Variants in CIMIP6 observed in about 807,000 individuals in gnomAD.
The protein encoded by CIMIP6 is uncharacterized protein C2orf73.
the CIMIP6 span, among the ~76,000 whole-genome samples, chr2:54,341,083 A>C: frequency 6.6e-6 from 1 of 152,238 alleles, no homozygotes; most frequent in Non-Finnish European, 1.5e-5. Flanking sequence ...GTTTTTGATC[A>C]ACAAAAGTAG....
chr2:54,350,797 T>A, the CIMIP6 span, among the ~76,000 whole-genome samples: 1 of 152,176 alleles, frequency 6.6e-6, no homozygotes, highest in Non-Finnish European at 1.5e-5. Context: ...TGTCTTTAAG[T>A]TGCCCACACT....
the CIMIP6 span, among the ~76,000 whole-genome samples, chr2:54,374,665 G>C: frequency 6.6e-6 from 1 of 152,222 alleles, no homozygotes. Context: ...AAAAGGCTGG[G>C]ATAAGCCTGA....
chr2:54,367,822 G>C, the CIMIP6 span, among the ~76,000 whole-genome samples: 1 of 152,110 alleles, frequency 6.6e-6, no homozygotes, highest in Non-Finnish European at 1.5e-5. Flanking sequence ...TCAAGAGATA[G>C]AGAAAATATG....
At chr2:54,363,959 T>A in the CIMIP6 span, among the ~76,000 whole-genome samples, 1 of 152,136 alleles carries the variant, frequency 6.6e-6, no homozygotes, top group African/African-American at 2.4e-5. Context: ...GCCCAGTGAG[T>A]GGTTCCTACC....
chr2:54,337,327 TA>T, the CIMIP6 span, among the ~76,000 whole-genome samples: 1 of 152,228 alleles, frequency 6.6e-6, no homozygotes, highest in Non-Finnish European at 1.5e-5. Context: ...TTTCATGAGC[TA>T]AACCCCTTTA....
chr2:54,363,370 C>T, the CIMIP6 span, among the ~76,000 whole-genome samples: 2 of 152,272 alleles, frequency 1.3e-5, no homozygotes, highest in South Asian at 2.1e-4. Flanking sequence ...TCTCCAGCCC[C>T]AGTGTATGAT....
the CIMIP6 span, chr2:54,360,230 A>G: frequency 1.2e-6 from 2 of 1,602,700 alleles, no homozygotes; most frequent in South Asian, 2.3e-5. Context: ...ACAGAGAGAG[A>G]TAAAACCAGG....
At chr2:54,353,796 T>C in the CIMIP6 span, among the ~76,000 whole-genome samples, 15 of 152,140 alleles carry the variant, frequency 9.9e-5, no homozygotes, top group Admixed American at 9.8e-4. Flanking sequence ...GTTACAAATA[T>C]CTCCTTCCAA....
At chr2:54,353,899 T>C in the CIMIP6 span, among the ~76,000 whole-genome samples, 1 of 152,218 alleles carries the variant, frequency 6.6e-6, no homozygotes, top group African/African-American at 2.4e-5. Context: ...TTATGGGTTG[T>C]GTACTGGCTG....
the CIMIP6 span, among the ~76,000 whole-genome samples, chr2:54,339,455 A>C: frequency 1.3e-5 from 1 of 75,060 alleles, no homozygotes; most frequent in East Asian, 2.4e-4. Context: ...ACTCCTTTGT[A>C]TAACACCTAT....
chr2:54,360,363 G>A, the CIMIP6 span: 2 of 1,610,244 alleles, frequency 1.2e-6, no homozygotes, highest in African/African-American at 1.3e-5. Context: ...ATCTCACCAG[G>A]TCTCTGCCAA....
chr2:54,383,492 G>A, the CIMIP6 span: 35 of 152,304 alleles, frequency 2.3e-4, no homozygotes, highest in Admixed American at 1.5e-3. Flanking sequence ...GACAGAAGGA[G>A]CCAGGACCTC....
chr2:54,334,659 G>C, the CIMIP6 span, among the ~76,000 whole-genome samples: 1 of 152,168 alleles, frequency 6.6e-6, no homozygotes, highest in South Asian at 2.1e-4. Context: ...TTAGAAAATG[G>C]CCTCCTAAAT....
the CIMIP6 span, among the ~76,000 whole-genome samples, chr2:54,364,779 AG>A: frequency 6.6e-6 from 1 of 152,258 alleles, no homozygotes; most frequent in African/African-American, 2.4e-5. Flanking sequence ...ACTCTTTGTT[AG>A]ACTCCTTACT....
At chr2:54,348,233 T>C in the CIMIP6 span, among the ~76,000 whole-genome samples, 1 of 152,254 alleles carries the variant, frequency 6.6e-6, no homozygotes, top group Admixed American at 6.5e-5. Flanking sequence ...GAATAATTCC[T>C]ACTTTGCAGG....
the CIMIP6 span, among the ~76,000 whole-genome samples, chr2:54,345,170 T>C: frequency 7.9e-5 from 12 of 152,270 alleles, no homozygotes; most frequent in Admixed American, 5.9e-4. Context: ...GAGAAAAGCA[T>C]ACAAATTTAT....
the CIMIP6 span, among the ~76,000 whole-genome samples, chr2:54,333,560 T>C: frequency 6.6e-6 from 1 of 152,116 alleles, no homozygotes; most frequent in African/African-American, 2.4e-5. Context: ...TATTTTATTG[T>C]AAATGAATGG....
At chr2:54,342,279 A>G in the CIMIP6 span, among the ~76,000 whole-genome samples, 1 of 152,190 alleles carries the variant, frequency 6.6e-6, no homozygotes, top group Admixed American at 6.5e-5. Flanking sequence ...CTCAAGTTGA[A>G]TGAATAGTTC....
the CIMIP6 span, among the ~76,000 whole-genome samples, chr2:54,375,256 TC>T: frequency 6.6e-6 from 1 of 152,114 alleles, no homozygotes; most frequent in African/African-American, 2.4e-5. Flanking sequence ...GTATTAATAT[TC>T]CTAATATATA....
Sources: gnomAD v4.1 joint callset for allele counts (sites outside exome capture counted in the v4.1 genomes callset) on GRCh38, gnomAD v4.1.1 for gene constraint, MANE v1.5 for transcripts, NCBI Gene and HGNC (gene_info 2026-07-23, HGNC 2026-07-21) for gene names.